The following DSCAML1 variants were observed in gnomAD, a reference collection of about 807,000 sequenced individuals.
The protein encoded by DSCAML1 is cell adhesion molecule DSCAML1.
DSCAML1 carries 38 observed loss-of-function variants against 200.5 expected under a neutral mutation model. The observed-to-expected ratio is 0.19, with a 90% CI of 0.15 to 0.25. The LOEUF is 0.25. Ranked by LOEUF, DSCAML1 falls within the 10% of genes least tolerant of loss-of-function variation. DSCAML1 has a pLI of 1.00. For missense variants in DSCAML1, 2,223 were observed against 2,858.8 expected (o/e 0.78, Z 5.07); for synonymous variants, 1,215 against 1,165.0 (o/e 1.04, Z -0.87).
At chr11:117,768,643 T>C (rs1337626972) in intron 3 of DSCAML1, among the ~76,000 whole-genome samples, 1 of 152,202 alleles carries the variant, frequency 6.6e-6, no homozygotes, top group Non-Finnish European at 1.5e-5. Flanking sequence ...AATTTGAGTC[T>C]CCTCAGAGGC....
chr11:117,622,689 A>G (rs1281234555), intron 3 of DSCAML1, among the ~76,000 whole-genome samples: 5 of 152,130 alleles, frequency 3.3e-5, no homozygotes, highest in Non-Finnish European at 7.3e-5. Flanking sequence ...ACTGGGGATG[A>G]CGGGAGCCAA....
intron 3 of DSCAML1, among the ~76,000 whole-genome samples, chr11:117,685,090 A>G (rs1171030470): frequency 1.3e-5 from 2 of 152,212 alleles, no homozygotes; most frequent in African/African-American, 4.8e-5. Context: ...CGTGACATCG[A>G]GGCACCTAGG....
rs1403714908 is a variant in DSCAML1 at position 117,780,716 on chromosome 11, G to A, written c.141C>T (p.Cys47=). ...CCGCGCTGGGGGAGCCCGCGGCCGG[G>A]CAGGGCACCACCACCCCCACGGAGC... ...FSSSVGVVVP[C]PAAGSPSAAL... Residue 47 remains cysteine, a synonymous_variant, in exon 2 of 33, where the codon TGC becomes TGT. Coordinates refer to ENST00000651296, the MANE Select transcript of DSCAML1 (RefSeq NM_020693.4). The surrounding 1 kb of genome is among the most constrained non-coding windows in gnomAD (Gnocchi z 4.8). 1.3e-6 allele frequency: 2 copies of A among 1,579,096 alleles called. No individual in the cohort carries two copies. Among genetic ancestry groups the A allele is most frequent in the Non-Finnish European group, 1.7e-6 (2 of 1,161,506 alleles).
chr11:117,569,206 T>C (rs573736524), intron 3 of DSCAML1, among the ~76,000 whole-genome samples: 2,126 of 152,292 alleles, frequency 0.014, 44 homozygotes, highest in African/African-American at 0.047. Flanking sequence ...TTACACCTTA[T>C]ACAAAAATCA....
At chr11:117,513,191 G>A (rs2049679966) in intron 8 of DSCAML1, among the ~76,000 whole-genome samples, 1 of 152,146 alleles carries the variant, frequency 6.6e-6, no homozygotes, top group Admixed American at 6.5e-5. Context: ...AAGGAGGCAG[G>A]TTGAGCTGTG....
At position 117,546,648 on chromosome 11, in the gene DSCAML1, T is replaced by C. The variant is rs73589086; in HGVS notation, c.512-14126A>G. Among the ~76,000 whole-genome samples, 496 of 151,976 alleles carry C rather than the reference T, an allele frequency of 3.3e-3. 8 individuals carry two copies. The highest frequency in any genetic ancestry group is 0.011 in the African/African-American group (474 of 41,446). On this transcript the variant is annotated intron_variant, in intron 3 of 32. Transcript: ENST00000651296. The stretch of plus-strand genomic sequence containing the variant: ...TTGGGGCAACTGAGATCTAGAAGGG[T>C]CCCTCACTGTCTCCGGAGCAGCTCC...
At chr11:117,634,691 C>T (rs994403370) in intron 3 of DSCAML1, among the ~76,000 whole-genome samples, 1 of 152,214 alleles carries the variant, frequency 6.6e-6, no homozygotes, top group African/African-American at 2.4e-5. Context: ...CTCCTGCCAA[C>T]TCCTCCCATC....
intron 3 of DSCAML1, among the ~76,000 whole-genome samples, chr11:117,598,797 A>G (rs2051410084): frequency 6.6e-6 from 1 of 152,168 alleles, no homozygotes; most frequent in South Asian, 2.1e-4. Flanking sequence ...CATGATCTCA[A>G]AATCAGGGCT....
intron 3 of DSCAML1, among the ~76,000 whole-genome samples, chr11:117,749,504 T>C (rs1361528411): frequency 2.0e-5 from 3 of 152,176 alleles, no homozygotes; most frequent in African/African-American, 4.8e-5. Context: ...AGGTAAATGA[T>C]TGCAAAAACA....
intron 3 of DSCAML1, among the ~76,000 whole-genome samples, chr11:117,647,802 G>C (rs1398687834): frequency 1.3e-5 from 2 of 152,164 alleles, no homozygotes; most frequent in Non-Finnish European, 2.9e-5. Context: ...GGAAAGAGAA[G>C]GATGGGGAGC....
chr11:117,635,271 C>T (rs1394489999), intron 3 of DSCAML1, among the ~76,000 whole-genome samples: 2 of 152,206 alleles, frequency 1.3e-5, no homozygotes, highest in Admixed American at 6.5e-5. Context: ...AAAGCCCCAG[C>T]TCTACTCGCC....
intron 3 of DSCAML1, among the ~76,000 whole-genome samples, chr11:117,621,119 T>C (rs549191022): frequency 1.3e-5 from 2 of 152,368 alleles, no homozygotes; most frequent in African/African-American, 4.8e-5. Flanking sequence ...GGGAAATACC[T>C]GTGCTCCATT....
Position 117,766,840 on chromosome 11 carries a change from C to T in DSCAML1, c.511+9951G>A, listed in dbSNP as rs557840076. 1.0e-3 allele frequency among the ~76,000 whole-genome samples: 156 copies of T among 152,244 alleles called. 1 individual carries two copies. The highest frequency in any genetic ancestry group is 3.6e-3 in the African/African-American group (148 of 41,530). ...GTGTGGCTGATGGTTCTGGAACCAA[C>T]CAACTGGCGTGCAAGTGCAGAGCAG... is the stretch of plus-strand genomic sequence containing the variant. On this transcript the variant is annotated intron_variant, in intron 3 of 32. Coordinates refer to ENST00000651296, the MANE Select transcript of DSCAML1 (RefSeq NM_020693.4).
intron 3 of DSCAML1, among the ~76,000 whole-genome samples, chr11:117,673,743 T>G (rs2053156531): frequency 6.6e-6 from 1 of 152,238 alleles, no homozygotes; most frequent in Non-Finnish European, 1.5e-5. Flanking sequence ...CTCCCAGGCC[T>G]GGGCTCACGC....
chr11:117,740,461 T>C (rs1013938283), intron 3 of DSCAML1, among the ~76,000 whole-genome samples: 3 of 152,182 alleles, frequency 2.0e-5, no homozygotes, highest in African/African-American at 7.2e-5. Flanking sequence ...TGCTAAAACC[T>C]GAGTCCTGGG....
At chr11:117,490,252 G>A (rs1398634777) in intron 11 of DSCAML1, among the ~76,000 whole-genome samples, 3 of 152,214 alleles carry the variant, frequency 2.0e-5, no homozygotes, top group African/African-American at 4.8e-5. Context: ...ACCGGTTCCC[G>A]TCTGTGAAAT....
intron 3 of DSCAML1, among the ~76,000 whole-genome samples, chr11:117,711,486 G>A (rs1231986719): frequency 1.3e-5 from 2 of 152,154 alleles, no homozygotes; most frequent in African/African-American, 2.4e-5. Flanking sequence ...CCTCCCTCAC[G>A]TTCCCTGTCT....
chr11:117,551,142 C>T (rs945458487), intron 3 of DSCAML1, among the ~76,000 whole-genome samples: 2 of 152,190 alleles, frequency 1.3e-5, no homozygotes, highest in Non-Finnish European at 1.5e-5. Context: ...GTTTCCTCTG[C>T]ATTAGTCCCT....
chr11:117,728,757 A>C (rs2054173893), intron 3 of DSCAML1, among the ~76,000 whole-genome samples: 1 of 152,218 alleles, frequency 6.6e-6, no homozygotes, highest in Admixed American at 6.5e-5. Flanking sequence ...AATGCTCTGA[A>C]AACCATAAAA....
Sources: gnomAD v4.1 joint callset for allele counts (sites outside exome capture counted in the v4.1 genomes callset) on GRCh38, gnomAD v4.1.1 for gene constraint, Gnocchi (gnomAD v3.1) non-coding constraint, MANE v1.5 for transcripts, NCBI Gene and HGNC (gene_info 2026-07-23, HGNC 2026-07-21) for gene names.